The following SPAG16 variants were observed in gnomAD, a reference collection of about 807,000 sequenced individuals.
SPAG16 encodes the protein sperm associated antigen 16, also known as sperm-associated antigen 16 protein.
In SPAG16, 86 loss-of-function variants were observed where a neutral mutation model predicts 80.4. That is an observed-to-expected ratio of 1.07 (90% CI 0.90 to 1.28). SPAG16 has a LOEUF of 1.28. Among genes scored for constraint, SPAG16 ranks in the 50% most tolerant of loss-of-function variants. SPAG16 has a pLI of 0.00. For missense variants in SPAG16, 870 were observed against 765.3 expected, an observed-to-expected ratio of 1.14 and a Z score of -1.61; for synonymous variants, 294 against 265.9, an observed-to-expected ratio of 1.11 and a Z score of -1.03.
intron 15 of SPAG16, among the ~76,000 whole-genome samples, chr2:214,242,866 A>C (rs976500505): frequency 6.6e-6 from 1 of 152,096 alleles, no homozygotes; most frequent in Non-Finnish European, 1.5e-5. Flanking sequence ...ATTAACTATC[A>C]CTTGGGTAGC....
In SPAG16 at chr2:214,325,487, C is replaced by T. The variant is rs150848294; in HGVS notation, c.1721-84653C>T. Among the ~76,000 whole-genome samples the T allele has an allele frequency of 7.1e-3, 1,080 of 152,186 alleles. 10 individuals carry two copies. Among genetic ancestry groups the T allele is most frequent in the African/African-American group, 0.025 (1,041 of 41,510 alleles). On this transcript the variant is annotated intron_variant, in intron 15 of 15. Coordinates refer to ENST00000331683, the MANE Select transcript of SPAG16 (RefSeq NM_024532.5). ...TTATTATAATGAGAAGCCTTAAAAACCCAAATAATTTAATCTGTAAAAATG... is the reference window on the plus strand; with the variant it reads ...TTATTATAATGAGAAGCCTTAAAAATCCAAATAATTTAATCTGTAAAAATG...
rs1575085338 is a variant in SPAG16, at chr2:213,290,295, A to C, written c.136+5676A>C. On this transcript the variant is annotated intron_variant, in intron 1 of 15. Transcript: ENST00000331683. ...CAAATGCAGATTTGGGAGGAATGGG[A>C]GCCTCAGTCTGTGTCTAGGTTATGA... is the stretch of plus-strand genomic sequence containing the variant. Among the ~76,000 whole-genome samples the C allele has an allele frequency of 2.0e-5, 3 of 152,294 alleles. No individual in the cohort carries two copies. In the South Asian group the frequency reaches 6.2e-4, roughly 32 times the overall value.
intron 13 of SPAG16, among the ~76,000 whole-genome samples, chr2:214,084,886 A>G (rs142963200): frequency 0.013 from 1,919 of 152,316 alleles, 22 homozygotes; most frequent in Middle Eastern, 0.031. Context: ...TCTCTTTTCA[A>G]TGAGCTTATA....
chr2:214,110,478 A>G (rs2053609276), intron 14 of SPAG16, among the ~76,000 whole-genome samples: 1 of 152,080 alleles, frequency 6.6e-6, no homozygotes, highest in Admixed American at 6.6e-5. Flanking sequence ...ATCCTTTTTT[A>G]TGGCTGCATA....
intron 15 of SPAG16, among the ~76,000 whole-genome samples, chr2:214,226,424 T>TA (rs2058699123): frequency 1.3e-5 from 2 of 152,006 alleles, no homozygotes; most frequent in Admixed American, 6.6e-5. Context: ...GATTATTTAA[T>TA]AAAAAGAACT....
intron 11 of SPAG16, among the ~76,000 whole-genome samples, chr2:213,906,242 C>T (rs745569339): frequency 1.0e-4 from 15 of 150,700 alleles, no homozygotes; most frequent in South Asian, 2.1e-4. Context: ...AAAGAAATCA[C>T]GAAAGCAATC....
intron 9 of SPAG16, among the ~76,000 whole-genome samples, chr2:213,481,794 A>G (rs551465957): frequency 1.2e-4 from 18 of 152,356 alleles, no homozygotes; most frequent in African/African-American, 4.3e-4. Context: ...AGGAACACAA[A>G]TGAATTGGAT....
intron 10 of SPAG16, among the ~76,000 whole-genome samples, chr2:213,505,104 A>G (rs549969168): frequency 1.3e-5 from 2 of 152,354 alleles, no homozygotes; most frequent in Non-Finnish European, 2.9e-5. Context: ...ATTATCATTT[A>G]TAACAGCAAC....
intron 10 of SPAG16, among the ~76,000 whole-genome samples, chr2:213,713,990 A>G (rs943001403): frequency 2.6e-5 from 4 of 152,210 alleles, no homozygotes; most frequent in African/African-American, 9.7e-5. Flanking sequence ...GTTCTATAAC[A>G]TGAGAAAAAA....
Position 213,840,605 on chromosome 2 carries a change from A to G in SPAG16, c.1071-21880A>G, listed in dbSNP as rs2074315324. Among the ~76,000 whole-genome samples the G allele has an allele frequency of 2.0e-5, 3 of 152,200 alleles. No homozygotes were observed. In the East Asian group the frequency reaches 5.8e-4, roughly 29 times the overall value. ...AAATTCCATAACTGTCTACATCAAC[A>G]GTTCAAATCTGGAGGTTGAAATGTG... On this transcript the variant is annotated intron_variant, in intron 10 of 15. Transcript: ENST00000331683.
At chr2:213,863,597 T>C (rs1026967750) in intron 11 of SPAG16, among the ~76,000 whole-genome samples, 5 of 152,082 alleles carry the variant, frequency 3.3e-5, no homozygotes, top group African/African-American at 7.2e-5. Context: ...ACATGCAGTG[T>C]ATTCCGTATC....
intron 10 of SPAG16, among the ~76,000 whole-genome samples, chr2:213,593,509 A>G (rs1168084469): frequency 6.6e-6 from 1 of 152,078 alleles, no homozygotes; most frequent in Non-Finnish European, 1.5e-5. Flanking sequence ...AATTTTAGAT[A>G]TATTTAATTT....
At chr2:213,795,534 G>A (rs1575158377) in intron 10 of SPAG16, among the ~76,000 whole-genome samples, 3 of 152,198 alleles carry the variant, frequency 2.0e-5, no homozygotes, top group Admixed American at 2.0e-4. Flanking sequence ...ACAATTTTCT[G>A]TTTGTTCATT....
chr2:213,977,661 C>A (rs1025842124), intron 12 of SPAG16, among the ~76,000 whole-genome samples: 4 of 152,074 alleles, frequency 2.6e-5, no homozygotes, highest in African/African-American at 9.7e-5. Flanking sequence ...TGGTTTCTCC[C>A]TTTGAGTTAC....
intron 14 of SPAG16, among the ~76,000 whole-genome samples, chr2:214,146,517 C>A (rs550673024): frequency 9.7e-4 from 147 of 152,196 alleles, no homozygotes; most frequent in African/African-American, 3.3e-3. Flanking sequence ...TTTTAGGTAA[C>A]CTTTGTGGAA....
chr2:214,325,953 C>T (rs1023818137), intron 15 of SPAG16, among the ~76,000 whole-genome samples: 14 of 152,154 alleles, frequency 9.2e-5, no homozygotes, highest in Admixed American at 9.2e-4. Flanking sequence ...TTCTCCAAAA[C>T]TAGCCCTAGC....
At chr2:214,095,049 G>A (rs1318184228) in intron 13 of SPAG16, among the ~76,000 whole-genome samples, 4 of 152,032 alleles carry the variant, frequency 2.6e-5, no homozygotes, top group Non-Finnish European at 5.9e-5. Flanking sequence ...GAATCATCAG[G>A]GTTGGAGTGT....
At chr2:213,386,137 G>A (rs1400054274) in intron 9 of SPAG16, among the ~76,000 whole-genome samples, 1 of 152,004 alleles carries the variant, frequency 6.6e-6, no homozygotes, top group South Asian at 2.1e-4. Context: ...CAGAATTGTG[G>A]CCTTGTCTTA....
At chr2:214,073,236 T>C (rs1161840573) in intron 13 of SPAG16, among the ~76,000 whole-genome samples, 1 of 151,738 alleles carries the variant, frequency 6.6e-6, no homozygotes, top group Non-Finnish European at 1.5e-5. Context: ...TTTTTTCTTT[T>C]TTTTTTTTTC....
Sources: gnomAD v4.1 joint callset for allele counts (sites outside exome capture counted in the v4.1 genomes callset) on GRCh38, gnomAD v4.1.1 for gene constraint, MANE v1.5 for transcripts, NCBI Gene and HGNC (gene_info 2026-07-23, HGNC 2026-07-21) for gene names.